The following IGFN1 variants were observed in gnomAD, a reference collection of about 807,000 sequenced individuals.
IGFN1 encodes immunoglobulin like and fibronectin type III domain containing 1, also known as immunoglobulin-like and fibronectin type III domain-containing protein 1.
Under a neutral mutation model 289.5 loss-of-function variants are expected in IGFN1, and 253 were observed. The ratio of observed to expected loss-of-function variants is 0.87; its 90% confidence interval spans 0.79 to 0.97. The LOEUF is 0.97. Ranked by LOEUF, IGFN1 falls within the 50% of genes least tolerant of loss-of-function variation. The probability of loss-of-function intolerance (pLI) is 0.00; values close to 1 mark genes in which losing one functional copy is unlikely to be tolerated. For missense variants in IGFN1, 4,470 were observed against 4,686.1 expected (o/e 0.95, Z 1.35); for synonymous variants, 1,706 against 1,788.5 (o/e 0.95, Z 1.16).
chr1:201,202,699 CT>C (rs994473856), intron 9 of IGFN1, among the ~76,000 whole-genome samples: 4 of 151,426 alleles, frequency 2.6e-5, no homozygotes, highest in African/African-American at 9.7e-5. Flanking sequence ...CCCTTTCTTT[CT>C]TTTTCTTTCT....
At position 201,211,756 on chromosome 1, in the gene IGFN1, A is replaced by G. The variant is rs1037747184; in HGVS notation, c.6863A>G (p.Asn2288Ser). The G allele has an allele frequency of 5.2e-6, 8 of 1,536,746 alleles. No homozygotes were observed. In the East Asian group the frequency reaches 1.5e-4, roughly 28 times the overall value. The change falls in exon 12 of 24, where the codon AAT (asparagine) becomes AGT (serine). Residue 2288 changes from asparagine to serine, a missense_variant. By Grantham distance (46) the Asn-to-Ser change is conservative (BLOSUM62 1). This residue lies in a region of IGFN1 where 2,218 missense variants were observed against 2,114.1 expected (regional missense o/e 1.05). Transcript: ENST00000335211. ...ISSGDEAGYK[N>S]VLGGSGRNPL... ...TCAGGGGATGAGGCAGGTTATAAGA[A>G]TGTTTTAGGGGGTTCTGGGAGGAAT...
At position 201,218,582 on chromosome 1, in the gene IGFN1, G is replaced by T; in HGVS notation, c.9822G>T (p.Arg3274=). Residue 3274 remains arginine, a synonymous_variant, in exon 18 of 24, where the codon CGG becomes CGT. Transcript: ENST00000335211. The part of the protein sequence containing the change: ...DVRQGCQYEF[R]VTAVAPSGPG... ...GGCAGGGCTGTCAGTATGAGTTCCG[G>T]GTCACAGCTGTGGCTCCCTCAGGTC... 6.2e-7 allele frequency: 1 copy of T among 1,613,406 alleles called. No homozygotes were observed. Among genetic ancestry groups the T allele is most frequent in the Non-Finnish European group, 8.5e-7 (1 of 1,179,990 alleles).
intron 20 of IGFN1, among the ~76,000 whole-genome samples, chr1:201,223,553 T>C (rs1030777955): frequency 2.0e-5 from 3 of 152,094 alleles, no homozygotes; most frequent in Non-Finnish European, 4.4e-5. Context: ...GTATTTTTAG[T>C]AGAGATGGGG....
chr1:201,205,386 C>A (rs1279964220), intron 11 of IGFN1, 32 bp downstream of exon 11: 23 of 1,498,564 alleles, frequency 1.5e-5, no homozygotes, highest in Non-Finnish European at 2.1e-5. Flanking sequence ...CTTTCTCTGC[C>A]TCCAGGGAAG....
chr1:201,194,028 C>T, intron 2 of IGFN1, 126 bp from the exon 3 acceptor site: 2 of 1,119,562 alleles, frequency 1.8e-6, no homozygotes, highest in Non-Finnish European at 2.5e-6. Context: ...TAATCCTGAC[C>T]CAAAAGTAGG....
intron 19 of IGFN1, chr1:201,222,069 C>T: frequency 4.7e-6 from 1 of 213,736 alleles, no homozygotes; most frequent in Non-Finnish European, 9.1e-6. Flanking sequence ...CTGGAGACTC[C>T]AAAGTTGATG....
Position 201,211,897 on chromosome 1 carries a change from G to C in IGFN1, c.7004G>C (p.Gly2335Ala). ...GFGGTSGMGS[G>A]SEVSYRGGSG... Reference sequence around the variant, plus strand: ...GGGGGAACTAGTGGCATGGGGTCAGGGAGTGAGGTCAGTTATAGAGGAGGC... The same window carrying C: ...GGGGGAACTAGTGGCATGGGGTCAGCGAGTGAGGTCAGTTATAGAGGAGGC... Residue 2335 changes from glycine to alanine, a missense_variant, in exon 12 of 24, where the codon GGG becomes GCG. Around this residue, in one of 8 missense-constraint regions of IGFN1, gnomAD observed 2,218 missense variants for 2,114.1 expected, o/e 1.05. Transcript: ENST00000335211. 6.5e-7 allele frequency: 1 copy of C among 1,529,832 alleles called. No homozygotes were observed. The highest frequency in any genetic ancestry group is 8.7e-7 in the Non-Finnish European group (1 of 1,143,126). 94.8% of individuals were successfully genotyped at this position (1,529,832 alleles called of 1,614,324 possible). A position where few individuals can be genotyped will look rare whatever the true frequency, so the allele number is the denominator to read the frequency against.
At chr1:201,225,769 T>C in intron 21 of IGFN1, 55 bp from the exon 22 acceptor site, 1 of 1,502,060 alleles carries the variant, frequency 6.7e-7, no homozygotes, top group Non-Finnish European at 9.0e-7. Flanking sequence ...AGGGGGCTGG[T>C]AGCAGCCCTG....
At position 201,216,531 on chromosome 1, in the gene IGFN1, C is replaced by T. The variant is rs1307481740; in HGVS notation, c.9373C>T (p.Pro3125Ser). Residue 3125 changes from proline (P) to serine (S), a missense_variant, in exon 16 of 24, where the codon CCA becomes TCA. Around this residue, in one of 8 missense-constraint regions of IGFN1, gnomAD observed 2,218 missense variants for 2,114.1 expected, o/e 1.05. Coordinates refer to ENST00000335211, the MANE Select transcript of IGFN1 (RefSeq NM_001164586.2). ...TGGCGTCTGCCTCCGCTGGCGGCCC[C>T]CAAGGGACAATGGGGGCCGGACTGT... ...RAGVCLRWRP[P>S]RDNGGRTVEC... 6.2e-7 allele frequency: 1 copy of T among 1,612,700 alleles called. No individual in the cohort carries two copies. Among genetic ancestry groups the T allele is most frequent in the Non-Finnish European group, 8.5e-7 (1 of 1,179,368 alleles).
chr1:201,215,867 G>A, intron 15 of IGFN1, 29 bp downstream of exon 15: 1 of 1,601,562 alleles, frequency 6.2e-7, no homozygotes, highest in Non-Finnish European at 8.5e-7. Context: ...CCCAACTAAG[G>A]CCTGAGAGTC....
rs1248650502 is a variant in IGFN1 at position 201,213,004 on chromosome 1, C to T, written c.8111C>T (p.Ser2704Phe). ...SKGSSPGRGS[S>F]VDAEDSGILG... ...GGTTCAAGTCCTGGAAGGGGCAGTTCTGTTGATGCAGAGGACTCAGGTATC... is the reference window on the plus strand; with the variant it reads ...GGTTCAAGTCCTGGAAGGGGCAGTTTTGTTGATGCAGAGGACTCAGGTATC... The change falls in exon 12 of 24, where the codon TCT (serine) becomes TTT (phenylalanine). Residue 2704 changes from serine (S) to phenylalanine (F), a missense_variant. This residue lies in a region of IGFN1 where 2,218 missense variants were observed against 2,114.1 expected (regional missense o/e 1.05). Transcript: ENST00000335211. 1 of 1,551,444 alleles carries T rather than the reference C, an allele frequency of 6.4e-7. No individual in the cohort carries two copies.
rs1043041416 is a variant in IGFN1 at position 201,215,229 on chromosome 1, TAA to T, written c.8995+78_8995+79del. The T allele has an allele frequency of 4.2e-5, 61 of 1,465,842 alleles. No individual in the cohort carries two copies. The African/African-American group carries it at 8.3e-4, about 20-fold the overall frequency. 90.8% of individuals were successfully genotyped at this position (1,465,842 alleles called of 1,614,324 possible). A position where few individuals can be genotyped will look rare whatever the true frequency, so the allele number is the denominator to read the frequency against. On this transcript the variant is annotated intron_variant, in intron 14 of 23. Transcript: ENST00000335211. ...TTGTACCAGGTGATATGCCTTGCTT[TAA>T]AACACCTGAATTTGTGGCTAGTCTG... is the stretch of plus-strand genomic sequence containing the variant.
At chr1:201,191,150 T>C (rs989772055) in intron 1 of IGFN1, among the ~76,000 whole-genome samples, 1 of 152,168 alleles carries the variant, frequency 6.6e-6, no homozygotes, top group African/African-American at 2.4e-5. Flanking sequence ...CTGTCCTGGC[T>C]CTAATTTTCT....
intron 11 of IGFN1, 145 bp downstream of exon 11, chr1:201,205,499 C>A: frequency 2.1e-6 from 2 of 955,016 alleles, no homozygotes; most frequent in Non-Finnish European, 1.5e-6. Flanking sequence ...CACTGCAGTG[C>A]AGACCTTCAT....
chr1:201,227,288 G>A, intron 23 of IGFN1, 80 bp downstream of exon 23: 3 of 1,117,900 alleles, frequency 2.7e-6, no homozygotes, highest in South Asian at 1.6e-5. Flanking sequence ...GGCTCCGGGG[G>A]GTGCCTAGAG....
At chr1:201,198,151 G>A (rs1310625589) in intron 5 of IGFN1, among the ~76,000 whole-genome samples, 1 of 152,194 alleles carries the variant, frequency 6.6e-6, no homozygotes. Context: ...ATATTTTTGA[G>A]ATGGACTGGA....
Position 201,200,478 on chromosome 1 carries a change from C to A in IGFN1, c.633+67C>A. The A allele has an allele frequency of 3.8e-6, 5 of 1,309,212 alleles. No homozygotes were observed. The South Asian group carries it at 5.3e-5, about 14-fold the overall frequency. The allele number at this position is 1,309,212 out of a possible 1,614,324, so 81.1% of individuals were successfully genotyped here. On this transcript the variant is annotated intron_variant, in intron 8 of 23. Transcript: ENST00000335211. ...ACACACCTGGACCATAGGTGCCTCA[C>A]ACCTGGAGGTGGGCTTGGAGGCAGA... is the stretch of plus-strand genomic sequence containing the variant.
chr1:201,223,401 C>T (rs1469250981), intron 20 of IGFN1, among the ~76,000 whole-genome samples: 1 of 143,634 alleles, frequency 7.0e-6, no homozygotes, highest in Non-Finnish European at 1.5e-5. Context: ...GATGGAGTCT[C>T]ACTCTGTCAC....
intron 14 of IGFN1, 128 bp downstream of exon 14, chr1:201,215,282 G>A (rs1164651283): frequency 2.7e-6 from 3 of 1,112,354 alleles, no homozygotes; most frequent in South Asian, 3.3e-5. Context: ...CTCATCCCCA[G>A]AGAAGATGAT....
Sources: allele counts gnomAD v4.1 joint callset (sites outside exome capture counted in the v4.1 genomes callset), GRCh38; gene constraint gnomAD v4.1.1; regional missense constraint gnomAD v4.1.1; transcripts MANE v1.5; gene names NCBI Gene and HGNC (gene_info 2026-07-23, HGNC 2026-07-21).